The following DYNC2H1 variants were observed in gnomAD, a reference collection of about 807,000 sequenced individuals.
DYNC2H1 encodes the protein cytoplasmic dynein 2 heavy chain 1.
DYNC2H1 carries 410 observed loss-of-function variants against 570.0 expected under a neutral mutation model. The observed-to-expected ratio is 0.72, with a 90% CI of 0.66 to 0.78. The LOEUF is 0.78. Among genes scored for constraint, DYNC2H1 ranks in the 30% least tolerant of loss-of-function variants. The pLI is 0.00. For synonymous variants in DYNC2H1, 1,688 were observed against 1,677.6 expected (o/e 1.01, Z -0.15); for missense variants, 4,865 against 5,046.4 (o/e 0.96, Z 1.09).
intron 70 of DYNC2H1, among the ~76,000 whole-genome samples, chr11:103,263,070 T>C (rs1865373789): frequency 6.9e-6 from 1 of 145,632 alleles, no homozygotes; most frequent in African/African-American, 2.5e-5. Flanking sequence ...TCCTAGTCTC[T>C]GACAAAACAG....
intron 50 of DYNC2H1, among the ~76,000 whole-genome samples, chr11:103,202,224 C>G (rs1303650058): frequency 6.6e-6 from 1 of 151,220 alleles, no homozygotes; most frequent in Non-Finnish European, 1.5e-5. Context: ...GGAATACATT[C>G]CTGCGTATTG....
intron 28 of DYNC2H1, 113 bp downstream of exon 28, chr11:103,159,140 A>G (rs1407858396): frequency 9.4e-6 from 7 of 744,142 alleles, no homozygotes; most frequent in Non-Finnish European, 1.5e-5. Flanking sequence ...ATATACCCAA[A>G]TACAGTTCCT....
At chr11:103,285,939 A>G (rs1866335592) in intron 73 of DYNC2H1, among the ~76,000 whole-genome samples, 1 of 152,224 alleles carries the variant, frequency 6.6e-6, no homozygotes, top group South Asian at 2.1e-4. Context: ...TAAAATTTGC[A>G]CTTGATCTTA....
Position 103,241,400 on chromosome 11 carries a change from A to G in DYNC2H1, c.9820-2293A>G. ...AATGTACCATAGAAATCTTATCTAAATCTGTCTGGAGACGTAAAATAAGAT... is the reference window on the plus strand; with the variant it reads ...AATGTACCATAGAAATCTTATCTAAGTCTGTCTGGAGACGTAAAATAAGAT... On this transcript the variant is annotated intron_variant, in intron 63 of 88. Transcript: ENST00000375735. This position sits in a 1 kb window ranked among gnomAD's most constrained non-coding sequence, Gnocchi z 5.1. The G allele has an allele frequency of 2.7e-6, 2 of 741,308 alleles. No homozygotes were observed. The highest frequency in any genetic ancestry group is 3.9e-4 in the Middle Eastern group (1 of 2,578). 45.9% of individuals were successfully genotyped at this position (741,308 alleles called of 1,614,324 possible). A position where few individuals can be genotyped will look rare whatever the true frequency, so the allele number is the denominator to read the frequency against.
chr11:103,397,055 G>T (rs1437924681), intron 83 of DYNC2H1, among the ~76,000 whole-genome samples: 1 of 152,032 alleles, frequency 6.6e-6, no homozygotes, highest in African/African-American at 2.4e-5. Flanking sequence ...TTAAAAGTGT[G>T]GACTTCACCA....
chr11:103,354,506 T>A (rs11225743), intron 82 of DYNC2H1, among the ~76,000 whole-genome samples: 5,369 of 152,194 alleles, frequency 0.035, 310 homozygotes, highest in African/African-American at 0.12. Flanking sequence ...CATACTTCAA[T>A]AGATTTATAA....
At chr11:103,468,518 GTAGAA>G in intron 87 of DYNC2H1, 66 bp from the exon 88 acceptor site, 2 of 1,016,168 alleles carry the variant, frequency 2.0e-6, no homozygotes, top group Non-Finnish European at 3.0e-6. Context: ...AGCTCTTAAG[GTAGAA>G]TAGAGTAACC....
At chr11:103,312,541 C>CAAAAAAAAA (rs1294317909) in intron 79 of DYNC2H1, among the ~76,000 whole-genome samples, 3 of 70,980 alleles carry the variant, frequency 4.2e-5, no homozygotes, top group African/African-American at 1.4e-4. Context: ...GACTCTGCCT[C>CAAAAAAAAA]AAAAAAAAAA....
At chr11:103,180,437 C>T (rs539526787) in intron 39 of DYNC2H1, among the ~76,000 whole-genome samples, 1 of 151,548 alleles carries the variant, frequency 6.6e-6, no homozygotes, top group South Asian at 2.1e-4. Flanking sequence ...TAATATTTAG[C>T]AGAAAATAAG....
intron 66 of DYNC2H1, 95 bp downstream of exon 66, chr11:103,253,543 T>G (rs1388795749): frequency 8.4e-7 from 1 of 1,191,178 alleles, no homozygotes; most frequent in East Asian, 2.4e-5. Context: ...TTAGACTAAT[T>G]AGTATTTACA....
rs1421918179 is a variant in DYNC2H1 at position 103,121,427 on chromosome 11, A to T, written c.1416A>T (p.Gly472=). The part of the protein sequence containing the change: ...RCRGIPGDAS[G]PLSGKNLSEV... ...GAGGAATTCCTGGTGATGCATCTGG[A>T]CCACTTTCTGGCAAAAATCTTTCAG... The change falls in exon 10 of 89, where the codon GGA becomes GGT. Residue 472 remains glycine (G), a synonymous_variant. Transcript: ENST00000375735. The T allele has an allele frequency of 1.1e-5, 17 of 1,613,612 alleles. No homozygotes were observed. Among genetic ancestry groups the T allele is most frequent in the Non-Finnish European group, 1.4e-5 (17 of 1,179,696 alleles).
chr11:103,337,381 G>A (rs1464918028), intron 82 of DYNC2H1, among the ~76,000 whole-genome samples: 1 of 152,082 alleles, frequency 6.6e-6, no homozygotes, highest in African/African-American at 2.4e-5. Flanking sequence ...TAGCACAGCT[G>A]GGTTAGGGTC....
At chr11:103,218,900 T>G (rs12577233) in intron 55 of DYNC2H1, among the ~76,000 whole-genome samples, 1 of 152,150 alleles carries the variant, frequency 6.6e-6, no homozygotes, top group Non-Finnish European at 1.5e-5. Context: ...AAGAGATAGC[T>G]TAAATACCAA....
intron 84 of DYNC2H1, among the ~76,000 whole-genome samples, chr11:103,425,578 T>C (rs1189312110): frequency 2.0e-5 from 3 of 152,058 alleles, no homozygotes; most frequent in Admixed American, 6.6e-5. Context: ...ACAAGACGTC[T>C]GAGGGGACAC....
Position 103,120,547 on chromosome 11 carries a change from G to T in DYNC2H1, c.1100G>T (p.Gly367Val). 1.2e-6 allele frequency: 2 copies of T among 1,612,864 alleles called. No individual in the cohort carries two copies. The highest frequency in any genetic ancestry group is 1.7e-6 in the Non-Finnish European group (2 of 1,179,362). ...ACTCGAGTATTTGAACCTTTTACTGGCCTGAATCCTGTGCAATATAATCCA... is the reference window on the plus strand; with the variant it reads ...ACTCGAGTATTTGAACCTTTTACTGTCCTGAATCCTGTGCAATATAATCCA... Reference protein sequence around the residue: ...CLTRVFEPFTGLNPVQYNPYT... With the variant: ...CLTRVFEPFTVLNPVQYNPYT... The change falls in exon 7 of 89, where the codon GGC (glycine) becomes GTC (valine). Residue 367 changes from glycine (G) to valine (V), a missense_variant. By Grantham distance (109) the Gly-to-Val change is moderately radical. This residue lies in a region of DYNC2H1 where 1,936 missense variants were observed against 1,962.1 expected (regional missense o/e 0.99). Transcript: ENST00000375735.
intron 70 of DYNC2H1, among the ~76,000 whole-genome samples, chr11:103,270,681 G>A (rs1213253741): frequency 1.3e-5 from 2 of 151,838 alleles, no homozygotes; most frequent in South Asian, 4.2e-4. Flanking sequence ...AGTGATTAAC[G>A]GACAGGTAGC....
chr11:103,444,508 G>A (rs890962373), intron 85 of DYNC2H1, among the ~76,000 whole-genome samples: 3 of 152,068 alleles, frequency 2.0e-5, no homozygotes, highest in African/African-American at 7.2e-5. Context: ...GCATCTGTTT[G>A]TTAAGCCTAC....
intron 84 of DYNC2H1, among the ~76,000 whole-genome samples, chr11:103,428,608 G>C (rs1943767397): frequency 6.6e-6 from 1 of 152,038 alleles, no homozygotes; most frequent in Non-Finnish European, 1.5e-5. Flanking sequence ...TTGAAAAACT[G>C]AAACTCTGTC....
chr11:103,384,022 A>G (rs1380789134), intron 83 of DYNC2H1, among the ~76,000 whole-genome samples: 3 of 152,182 alleles, frequency 2.0e-5, no homozygotes, highest in South Asian at 2.1e-4. Context: ...TTATGACAGT[A>G]ATCTTTTGAA....
Sources: gnomAD v4.1 joint callset for allele counts (sites outside exome capture counted in the v4.1 genomes callset) on GRCh38, gnomAD v4.1.1 for gene constraint, gnomAD v4.1.1 regional missense constraint, Gnocchi (gnomAD v3.1) non-coding constraint, MANE v1.5 for transcripts, NCBI Gene and HGNC (gene_info 2026-07-23, HGNC 2026-07-21) for gene names.